The following ARHGAP26 variants were observed in gnomAD, a reference collection of about 807,000 sequenced individuals.
ARHGAP26 encodes Rho GTPase activating protein 26.
A neutral mutation model predicts 104.8 loss-of-function variants in ARHGAP26; 38 were observed. The ratio of observed to expected loss-of-function variants is 0.36; its 90% CI spans 0.28 to 0.48. ARHGAP26 has a LOEUF of 0.48. ARHGAP26 is among the 20% of genes least tolerant of loss of function. The pLI, the probability that ARHGAP26 is intolerant of heterozygous loss-of-function variation, is 0.99. For synonymous variants in ARHGAP26, 341 were observed against 340.0 expected (o/e 1.00, Z -0.03); for missense variants, 704 against 947.9 (o/e 0.74, Z 3.38).
intron 1 of ARHGAP26, among the ~76,000 whole-genome samples, chr5:142,811,948 C>T (rs1764153771): frequency 6.6e-6 from 1 of 152,196 alleles, no homozygotes; most frequent in Non-Finnish European, 1.5e-5. Context: ...CTTGCAGCCT[C>T]CTCACCTAAT....
intron 12 of ARHGAP26, among the ~76,000 whole-genome samples, chr5:143,015,700 A>G (rs1779495939): frequency 6.6e-6 from 1 of 152,198 alleles, no homozygotes; most frequent in African/African-American, 2.4e-5. Context: ...TTGCCTCCAT[A>G]ATAAAGGACC....
Position 143,057,565 on chromosome 5 carries a change from G to A in ARHGAP26, c.1433-77G>A, listed in dbSNP as rs372197247. The A allele has an allele frequency of 1.3e-5, 16 of 1,220,804 alleles. No individual in the cohort carries two copies. In the African/African-American group the frequency reaches 1.8e-4, roughly 14 times the overall value. 75.6% of individuals were successfully genotyped at this position (1,220,804 alleles called of 1,614,324 possible). ...TTGGGCTGTTAGTGCTCATCCTTTG[G>A]TTTCCCTTAATTTTTCAACCTTAAA... On this transcript the variant is annotated intron_variant, in intron 16 of 22. Transcript: ENST00000645722.
Position 142,932,118 on chromosome 5 carries a change from G to A in ARHGAP26, c.1100G>A (p.Arg367Gln), listed in dbSNP as rs747831419. The change falls in exon 11 of 23, where the codon CGG becomes CAG. Residue 367 changes from arginine (R) to glutamine (Q), a missense_variant. Coordinates refer to ENST00000645722, the MANE Select transcript of ARHGAP26 (RefSeq NM_001135608.3). ...RRLWMEAMDG[R>Q]EPVYNSNKDS... ...CTCTGGATGGAAGCCATGGATGGCC[G>A]GGAACCTGTAAGTAACAATTCAGGG... The A allele has an allele frequency of 2.1e-5, 34 of 1,613,938 alleles. 1 individual carries two copies. Among genetic ancestry groups the A allele is most frequent in the African/African-American group, 4.0e-5 (3 of 75,016 alleles).
intron 14 of ARHGAP26, among the ~76,000 whole-genome samples, chr5:143,043,844 G>A (rs929079693): frequency 2.6e-5 from 4 of 152,194 alleles, no homozygotes; most frequent in African/African-American, 7.2e-5. Context: ...TCTGTGCTGG[G>A]TCTAGAAGAT....
At chr5:142,800,487 C>T (rs1000931263) in intron 1 of ARHGAP26, among the ~76,000 whole-genome samples, 2 of 151,968 alleles carry the variant, frequency 1.3e-5, no homozygotes, top group African/African-American at 4.8e-5. Context: ...CTCAGCCTCC[C>T]GAGTAGCTGG....
chr5:143,024,032 T>C (rs779514722), intron 12 of ARHGAP26, among the ~76,000 whole-genome samples: 4 of 152,230 alleles, frequency 2.6e-5, no homozygotes, highest in Non-Finnish European at 5.9e-5. Flanking sequence ...CATTATGAGT[T>C]GCCTGTGCAA....
chr5:143,222,478 C>G lies in ARHGAP26; in HGVS notation c.*32C>G. The G allele has an allele frequency of 6.5e-7, 1 of 1,533,830 alleles. No individual in the cohort carries two copies. The highest frequency in any genetic ancestry group is 8.9e-7 in the Non-Finnish European group (1 of 1,125,436). ...GCCCCAGCAGAACTGCTGAGCTTTA[C>G]ATGGTATCCATGACAACTGCTGATT... On this transcript the variant is annotated 3_prime_UTR_variant, in exon 23 of 23. Coordinates refer to ENST00000645722, the MANE Select transcript of ARHGAP26 (RefSeq NM_001135608.3).
intron 19 of ARHGAP26, among the ~76,000 whole-genome samples, chr5:143,144,244 A>G (rs1056981886): frequency 2.0e-5 from 3 of 152,100 alleles, no homozygotes; most frequent in Non-Finnish European, 4.4e-5. Flanking sequence ...AAGTCTAGCT[A>G]TGTTATTTGA....
chr5:143,051,811 C>G (rs1472312796), intron 14 of ARHGAP26, among the ~76,000 whole-genome samples: 1 of 152,132 alleles, frequency 6.6e-6, no homozygotes, highest in Non-Finnish European at 1.5e-5. Flanking sequence ...GTGGTTCATG[C>G]AACAGTTCAC....
intron 10 of ARHGAP26, among the ~76,000 whole-genome samples, chr5:142,922,705 A>T (rs1198607235): frequency 6.6e-6 from 1 of 152,064 alleles, no homozygotes; most frequent in Non-Finnish European, 1.5e-5. Flanking sequence ...AAGATGAGTG[A>T]TTTCACTGTC....
In ARHGAP26 at chr5:143,147,298, T is replaced by C. The variant is rs1215898678; in HGVS notation, c.1905T>C (p.Leu635=). The stretch of plus-strand genomic sequence containing the variant: ...TCTCATCAAATCCAAACAGCATCCT[T>C]AATTCCAGCAGCAGCTTACAGCCCA... ...ESVSSNPNSI[L]NSSSSLQPNM... is the part of the protein sequence containing the mutation. Residue 635 remains leucine (L), a synonymous_variant, in exon 20 of 23, where the codon CTT becomes CTC. Transcript: ENST00000645722. 6 of 1,614,106 alleles carry C rather than the reference T, an allele frequency of 3.7e-6. No homozygotes were observed. The highest frequency in any genetic ancestry group is 4.2e-6 in the Non-Finnish European group (5 of 1,179,994).
intron 12 of ARHGAP26, among the ~76,000 whole-genome samples, chr5:143,020,647 T>TC (rs1780203225): frequency 7.0e-6 from 1 of 142,430 alleles, no homozygotes; most frequent in East Asian, 2.0e-4. Context: ...TTTTTTTTTT[T>TC]TTTTTTTTTG....
At chr5:142,952,823 C>T (rs879343704) in intron 11 of ARHGAP26, among the ~76,000 whole-genome samples, 18 of 152,182 alleles carry the variant, frequency 1.2e-4, no homozygotes, top group Non-Finnish European at 2.4e-4. Context: ...AATTCTCTGC[C>T]TCAGCCTCCT....
At chr5:143,032,759 T>C (rs766533406) in intron 12 of ARHGAP26, among the ~76,000 whole-genome samples, 4 of 152,210 alleles carry the variant, frequency 2.6e-5, no homozygotes, top group Non-Finnish European at 4.4e-5. Context: ...AATAAAACCG[T>C]TGTTAATTAT....
intron 20 of ARHGAP26, among the ~76,000 whole-genome samples, chr5:143,149,327 G>A (rs1333348462): frequency 6.6e-6 from 1 of 152,078 alleles, no homozygotes; most frequent in East Asian, 1.9e-4. Context: ...GATACCTTTG[G>A]GTCTTGAGGT....
At chr5:143,000,049 T>C (rs1439872573) in intron 11 of ARHGAP26, among the ~76,000 whole-genome samples, 1 of 152,220 alleles carries the variant, frequency 6.6e-6, no homozygotes, top group Non-Finnish European at 1.5e-5. Context: ...TTTGAGACTA[T>C]AATAAGATAC....
chr5:143,141,322 A>C (rs527580457), intron 19 of ARHGAP26, among the ~76,000 whole-genome samples: 1 of 152,342 alleles, frequency 6.6e-6, no homozygotes, highest in South Asian at 2.1e-4. Flanking sequence ...AGATACCATT[A>C]AGTATGATGT....
At chr5:142,914,860 A>T (rs1006665237) in intron 10 of ARHGAP26, among the ~76,000 whole-genome samples, 2 of 152,110 alleles carry the variant, frequency 1.3e-5, no homozygotes, top group African/African-American at 4.8e-5. Flanking sequence ...AATTCATATT[A>T]TTGGCATCCT....
At chr5:143,105,335 C>T (rs1793837248) in intron 17 of ARHGAP26, among the ~76,000 whole-genome samples, 1 of 151,784 alleles carries the variant, frequency 6.6e-6, no homozygotes, top group Non-Finnish European at 1.5e-5. Context: ...AAGATTGCGC[C>T]ATTGCACTCC....
Sources: allele counts gnomAD v4.1 joint callset (sites outside exome capture counted in the v4.1 genomes callset), GRCh38; gene constraint gnomAD v4.1.1; transcripts MANE v1.5; gene names NCBI Gene and HGNC (gene_info 2026-07-23, HGNC 2026-07-21).